The following MYRIP variants were observed in gnomAD, a reference collection of about 807,000 sequenced individuals.
MYRIP encodes myosin VIIA and Rab interacting protein.
In MYRIP, 49 loss-of-function variants were observed where a neutral mutation model predicts 98.0. That is an observed-to-expected ratio of 0.50 (90% CI 0.40 to 0.63). MYRIP has a LOEUF of 0.63. MYRIP is among the 30% of genes least tolerant of loss of function. MYRIP has a pLI of 0.00. For missense variants in MYRIP, 1,004 were observed against 1,058.2 expected (o/e 0.95, Z 0.71); for synonymous variants, 404 against 409.5 (o/e 0.99, Z 0.16).
At chr3:39,918,643 T>C (rs1238426941) in intron 2 of MYRIP, among the ~76,000 whole-genome samples, 1 of 152,194 alleles carries the variant, frequency 6.6e-6, no homozygotes, top group South Asian at 2.1e-4. Context: ...GGAAATGGCA[T>C]ACAAATTTAT....
rs545038107 is a variant in MYRIP, at chr3:39,887,141, C to G, written c.-30-13646C>G. ...AAATAAAGATGTTCTTTGAAACCAA[C>G]GAGAACAAAGACACAACATACCAGA... On this transcript the variant is annotated intron_variant, in intron 1 of 16. Coordinates refer to ENST00000302541, the MANE Select transcript of MYRIP (RefSeq NM_015460.4). Among the ~76,000 whole-genome samples, 10 of 151,596 alleles carry G rather than the reference C, an allele frequency of 6.6e-5. No homozygotes were observed. In the East Asian group the frequency reaches 1.6e-3, roughly 24 times the overall value.
At chr3:40,084,764 G>A (rs1330002079) in intron 3 of MYRIP, among the ~76,000 whole-genome samples, 1 of 54,304 alleles carries the variant, frequency 1.8e-5, no homozygotes, top group African/African-American at 5.2e-5. Flanking sequence ...GTTACATGTC[G>A]ATAGATAATA....
chr3:40,002,878 ATC>A (rs1002033942), intron 2 of MYRIP, among the ~76,000 whole-genome samples: 3 of 152,106 alleles, frequency 2.0e-5, no homozygotes, highest in South Asian at 4.1e-4. Flanking sequence ...GTGTCTATAT[ATC>A]TCTCTAAAGC....
chr3:40,215,753 CTTACTGCT>C (rs1270625744), intron 11 of MYRIP, among the ~76,000 whole-genome samples: 2 of 152,210 alleles, frequency 1.3e-5, no homozygotes, highest in East Asian at 3.9e-4. Context: ...CTCATCTTCA[CTTACTGCT>C]AGAGTGAATA....
intron 2 of MYRIP, among the ~76,000 whole-genome samples, chr3:39,960,755 TG>T (rs1388594633): frequency 1.3e-5 from 2 of 152,190 alleles, no homozygotes; most frequent in Non-Finnish European, 2.9e-5. Flanking sequence ...AGGTTGCTAA[TG>T]AGGGAATCAA....
chr3:39,876,627 C>G (rs979586946), intron 1 of MYRIP, among the ~76,000 whole-genome samples: 1 of 151,666 alleles, frequency 6.6e-6, no homozygotes, highest in Non-Finnish European at 1.5e-5. Context: ...ATATGAAATT[C>G]TGGTTTGAAA....
chr3:40,081,582 A>G (rs1159208148), intron 3 of MYRIP, among the ~76,000 whole-genome samples: 1 of 152,170 alleles, frequency 6.6e-6, no homozygotes, highest in African/African-American at 2.4e-5. Context: ...ATTACTTTTA[A>G]TGACAACCTA....
At chr3:40,224,414 CAAA>C (rs35749015) in intron 11 of MYRIP, among the ~76,000 whole-genome samples, 18 of 134,494 alleles carry the variant, frequency 1.3e-4, no homozygotes, top group Admixed American at 2.2e-4. Flanking sequence ...TATAAAAAAG[CAAA>C]AAAAAAAAAA....
At chr3:39,867,418 G>C (rs766852184) in intron 1 of MYRIP, among the ~76,000 whole-genome samples, 2 of 151,984 alleles carry the variant, frequency 1.3e-5, no homozygotes, top group African/African-American at 4.8e-5. Context: ...AACTACATAC[G>C]TATCTAATAA....
intron 10 of MYRIP, among the ~76,000 whole-genome samples, chr3:40,191,544 ATCT>A (rs1159580440): frequency 6.6e-6 from 1 of 152,120 alleles, no homozygotes; most frequent in Non-Finnish European, 1.5e-5. Context: ...CTTCTACAAG[ATCT>A]TCTATGAATG....
At chr3:40,247,805 T>C (rs946076938) in intron 13 of MYRIP, among the ~76,000 whole-genome samples, 1 of 152,264 alleles carries the variant, frequency 6.6e-6, no homozygotes, top group Non-Finnish European at 1.5e-5. Flanking sequence ...ATTACAGGCA[T>C]GATCCAGCGC....
intron 1 of MYRIP, among the ~76,000 whole-genome samples, chr3:39,889,988 AT>A (rs1559511490): frequency 6.6e-6 from 1 of 152,092 alleles, no homozygotes; most frequent in Non-Finnish European, 1.5e-5. Flanking sequence ...AAAATCTAAA[AT>A]TTTTTTTAAA....
intron 1 of MYRIP, among the ~76,000 whole-genome samples, chr3:39,870,513 TA>T (rs1942754272): frequency 6.6e-6 from 1 of 152,196 alleles, no homozygotes; most frequent in Non-Finnish European, 1.5e-5. Context: ...TTAAGGTTAA[TA>T]AAGTCTTTTT....
rs117417071 is a variant in MYRIP, at chr3:40,162,040, G to T, written c.470-690G>T. Among the ~76,000 whole-genome samples, 170 of 152,080 alleles carry T rather than the reference G, an allele frequency of 1.1e-3. No homozygotes were observed. In the East Asian group the frequency reaches 0.011, roughly 10 times the overall value. Reference sequence around the variant, plus strand: ...AGATACACCTTTTCTCCCAGGACTGGTCTCTGTGCAAGCTGCTTCCTGTGC... The same window carrying T: ...AGATACACCTTTTCTCCCAGGACTGTTCTCTGTGCAAGCTGCTTCCTGTGC... On this transcript the variant is annotated intron_variant, in intron 4 of 16. Coordinates refer to ENST00000302541, the MANE Select transcript of MYRIP (RefSeq NM_015460.4).
At chr3:39,990,448 C>T (rs1946146711) in intron 2 of MYRIP, among the ~76,000 whole-genome samples, 1 of 152,184 alleles carries the variant, frequency 6.6e-6, no homozygotes, top group Non-Finnish European at 1.5e-5. Flanking sequence ...CTGTTCTGCT[C>T]TTTGAGTCTG....
intron 2 of MYRIP, among the ~76,000 whole-genome samples, chr3:39,915,753 C>T (rs979572446): frequency 8.7e-6 from 1 of 114,652 alleles, no homozygotes; most frequent in Admixed American, 8.2e-5. Flanking sequence ...AGGTCAATGC[C>T]AGGCCAAAAA....
intron 9 of MYRIP, among the ~76,000 whole-genome samples, chr3:40,188,365 C>T (rs964008780): frequency 2.0e-5 from 3 of 152,076 alleles, no homozygotes; most frequent in African/African-American, 4.8e-5. Flanking sequence ...GTGGCTGCTA[C>T]AGGCCTTAAG....
intron 2 of MYRIP, among the ~76,000 whole-genome samples, chr3:39,902,066 G>A (rs946636178): frequency 9.9e-5 from 15 of 152,188 alleles, no homozygotes; most frequent in African/African-American, 3.6e-4. Context: ...AGAGAACAGA[G>A]TCAAGGACGT....
At chr3:40,134,906 AT>A (rs1245103519) in intron 3 of MYRIP, among the ~76,000 whole-genome samples, 1 of 152,224 alleles carries the variant, frequency 6.6e-6, no homozygotes, top group African/African-American at 2.4e-5. Context: ...CAAAAACGAA[AT>A]GTAGATAAAA....
Sources: gnomAD v4.1 joint callset for allele counts (sites outside exome capture counted in the v4.1 genomes callset) on GRCh38, gnomAD v4.1.1 for gene constraint, MANE v1.5 for transcripts, NCBI Gene and HGNC (gene_info 2026-07-23, HGNC 2026-07-21) for gene names.